The following SYNPR variants were observed in gnomAD, a reference collection of about 807,000 sequenced individuals.
The protein encoded by SYNPR is synaptoporin.
In SYNPR, 23 loss-of-function variants were observed where a neutral mutation model predicts 32.9. That is an observed-to-expected ratio of 0.70 (90% CI 0.50 to 0.99). The LOEUF (loss-of-function observed/expected upper bound fraction) is 0.99, where lower values mean the gene tolerates loss of function less well. SYNPR is among the 50% of genes least tolerant of loss of function. The pLI is 0.00. For missense variants in SYNPR, 318 were observed against 349.3 expected (o/e 0.91, Z 0.71); for synonymous variants, 146 against 135.9 (o/e 1.07, Z -0.52).
At chr3:63,468,005 C>T (rs1398241093) in intron 2 of SYNPR, among the ~76,000 whole-genome samples, 2 of 151,558 alleles carry the variant, frequency 1.3e-5, no homozygotes, top group Non-Finnish European at 2.9e-5. Flanking sequence ...TTTGAGACCA[C>T]CCTGACCAAC....
intron 2 of SYNPR, among the ~76,000 whole-genome samples, chr3:63,424,434 C>G (rs1466938150): frequency 1.3e-5 from 2 of 152,092 alleles, no homozygotes; most frequent in African/African-American, 4.8e-5. Flanking sequence ...TCCATTTCCT[C>G]TTTTGCAAAA....
intron 3 of SYNPR, among the ~76,000 whole-genome samples, chr3:63,528,978 G>A (rs17068934): frequency 0.016 from 2,491 of 152,324 alleles, 77 homozygotes; most frequent in African/African-American, 0.056. Flanking sequence ...TAAAGGTAAA[G>A]CTGGATTAAA....
chr3:63,492,201 T>C (rs923474731), intron 3 of SYNPR, among the ~76,000 whole-genome samples: 3 of 152,154 alleles, frequency 2.0e-5, no homozygotes, highest in Admixed American at 1.3e-4. Flanking sequence ...TGGAAGCCAG[T>C]TGGACAGGAT....
intron 3 of SYNPR, among the ~76,000 whole-genome samples, chr3:63,500,085 T>C (rs555878585): frequency 6.6e-6 from 1 of 152,282 alleles, no homozygotes; most frequent in Non-Finnish European, 1.5e-5. Flanking sequence ...AGGAAATAGA[T>C]GGTATTAAAT....
chr3:63,346,558 G>A (rs1171049357), intron 2 of SYNPR, among the ~76,000 whole-genome samples: 5 of 151,968 alleles, frequency 3.3e-5, no homozygotes, highest in Admixed American at 2.0e-4. Context: ...TGAAACCTCC[G>A]CCTCCTGGGT....
rs556328773 is a variant in SYNPR, at chr3:63,346,878, C to G, written c.84+68136C>G. Among the ~76,000 whole-genome samples, 20 of 152,296 alleles carry G rather than the reference C, an allele frequency of 1.3e-4. No homozygotes were observed. The South Asian group carries it at 2.7e-3, about 21-fold the overall frequency. On this transcript the variant is annotated intron_variant, in intron 2 of 5. Coordinates refer to ENST00000478300, the MANE Select transcript of SYNPR (RefSeq NM_001130003.2). ...AATATTGTGTCTTCCCCAAATGGCACTGGGCGATGGAGTAATCTATAAGTT... is the reference window on the plus strand; with the variant it reads ...AATATTGTGTCTTCCCCAAATGGCAGTGGGCGATGGAGTAATCTATAAGTT...
At chr3:63,296,095 G>A (rs547017632) in intron 2 of SYNPR, among the ~76,000 whole-genome samples, 58 of 152,214 alleles carry the variant, frequency 3.8e-4, no homozygotes, top group African/African-American at 1.3e-3. Context: ...CATCATATGA[G>A]GCAACACAAG....
intron 2 of SYNPR, among the ~76,000 whole-genome samples, chr3:63,254,005 C>A (rs2086361016): frequency 6.6e-6 from 1 of 152,184 alleles, no homozygotes; most frequent in Middle Eastern, 3.4e-3. Flanking sequence ...TGATGAGTTC[C>A]TGTCCTTTGT....
At chr3:63,439,361 C>A (rs537941056) in intron 2 of SYNPR, among the ~76,000 whole-genome samples, 1 of 152,282 alleles carries the variant, frequency 6.6e-6, no homozygotes, top group Admixed American at 6.5e-5. Flanking sequence ...GCAGTAGCAA[C>A]AATGTGAATA....
intron 2 of SYNPR, among the ~76,000 whole-genome samples, chr3:63,306,593 A>T (rs1357635435): frequency 6.6e-6 from 1 of 152,024 alleles, no homozygotes; most frequent in African/African-American, 2.4e-5. Context: ...TTTACCAAGG[A>T]GTTCATTATA....
intron 3 of SYNPR, among the ~76,000 whole-genome samples, chr3:63,488,721 A>G (rs924692956): frequency 1.1e-4 from 17 of 152,128 alleles, no homozygotes; most frequent in African/African-American, 4.1e-4. Flanking sequence ...AGTCTAGTGA[A>G]AGAAATTGGC....
chr3:63,411,700 A>T (rs751996846), intron 2 of SYNPR, among the ~76,000 whole-genome samples: 3 of 152,126 alleles, frequency 2.0e-5, no homozygotes, highest in African/African-American at 7.2e-5. Flanking sequence ...AACATGGCAC[A>T]TTTGAAGAAC....
intron 3 of SYNPR, among the ~76,000 whole-genome samples, chr3:63,487,343 C>A (rs1162899358): frequency 6.6e-6 from 1 of 152,042 alleles, no homozygotes; most frequent in Admixed American, 6.6e-5. Flanking sequence ...ATCTGTGAAA[C>A]AGAAACAATG....
chr3:63,452,661 A>G (rs751713646), intron 2 of SYNPR, among the ~76,000 whole-genome samples: 1 of 137,768 alleles, frequency 7.3e-6, no homozygotes, highest in Non-Finnish European at 1.6e-5. Context: ...GATCACTATC[A>G]TTATTTTAAG....
chr3:63,243,341 T>C (rs943225647), intron 1 of SYNPR, among the ~76,000 whole-genome samples: 31 of 152,192 alleles, frequency 2.0e-4, no homozygotes, highest in Non-Finnish European at 3.1e-4. Flanking sequence ...GACATATTTC[T>C]ACAAAAGAAT....
At chr3:63,327,108 A>T (rs2087175889) in intron 2 of SYNPR, among the ~76,000 whole-genome samples, 1 of 152,120 alleles carries the variant, frequency 6.6e-6, no homozygotes, top group Non-Finnish European at 1.5e-5. Context: ...TGCAATCATT[A>T]GTGCAAATTG....
At chr3:63,309,702 G>T (rs1440061245) in intron 2 of SYNPR, among the ~76,000 whole-genome samples, 1 of 151,806 alleles carries the variant, frequency 6.6e-6, no homozygotes, top group Non-Finnish European at 1.5e-5. Context: ...AATCTGTTGG[G>T]TGGTCCTCTC....
chr3:63,241,406 C>A (rs1231332621), intron 1 of SYNPR, among the ~76,000 whole-genome samples: 1 of 152,012 alleles, frequency 6.6e-6, no homozygotes, highest in Non-Finnish European at 1.5e-5. Flanking sequence ...GACTTCTTAC[C>A]AACCCCAGAA....
intron 2 of SYNPR, among the ~76,000 whole-genome samples, chr3:63,358,361 G>A (rs2087611778): frequency 1.3e-5 from 2 of 152,142 alleles, no homozygotes; most frequent in Admixed American, 6.5e-5. Flanking sequence ...CTTGGCTCAT[G>A]GCCCCTTCCT....
Sources: allele counts gnomAD v4.1 joint callset (sites outside exome capture counted in the v4.1 genomes callset), GRCh38; gene constraint gnomAD v4.1.1; transcripts MANE v1.5; gene names NCBI Gene and HGNC (gene_info 2026-07-23, HGNC 2026-07-21).